The following EYS variants were observed in gnomAD, a reference collection of about 807,000 sequenced individuals.
The protein encoded by EYS is protein eyes shut homolog.
In EYS, 250 loss-of-function variants were observed where a neutral mutation model predicts 282.1. The observed-to-expected ratio is 0.89, with a 90% CI of 0.80 to 0.98. The LOEUF is 0.98. Ranked by LOEUF, EYS falls within the 50% of genes least tolerant of loss-of-function variation. The pLI, the probability that EYS is intolerant of heterozygous loss-of-function variation, is 0.00. For synonymous variants in EYS, 1,355 were observed against 1,282.9 expected (o/e 1.06, Z -1.20); for missense variants, 4,016 against 3,709.0 (o/e 1.08, Z -2.15).
At chr6:64,046,465 C>T (rs1770628806) in intron 33 of EYS, among the ~76,000 whole-genome samples, 1 of 151,978 alleles carries the variant, frequency 6.6e-6, no homozygotes, top group African/African-American at 2.4e-5. Flanking sequence ...AGGACACATG[C>T]TGGCTTGTGC....
intron 5 of EYS, chr6:65,490,341 A>C: frequency 3.3e-6 from 1 of 303,690 alleles, no homozygotes; most frequent in Non-Finnish European, 6.2e-6. Context: ...AGAAAGATGT[A>C]AGTAATTTTA....
chr6:65,641,489 G>A (rs139259360), intron 1 of EYS, among the ~76,000 whole-genome samples: 1 of 152,180 alleles, frequency 6.6e-6, no homozygotes, highest in Non-Finnish European at 1.5e-5. Flanking sequence ...GAGAGGAGGA[G>A]AGCAAATTTT....
At chr6:65,603,273 G>T (rs1270524833) in intron 2 of EYS, among the ~76,000 whole-genome samples, 1 of 151,782 alleles carries the variant, frequency 6.6e-6, no homozygotes. Context: ...ATGGGTAAGT[G>T]GATCACCAAT....
intron 22 of EYS, among the ~76,000 whole-genome samples, chr6:64,695,148 A>T (rs535541076): frequency 5.7e-4 from 87 of 152,052 alleles, no homozygotes; most frequent in Non-Finnish European, 9.3e-4. Context: ...AACCCACCCT[A>T]GAGGCAGAGC....
chr6:64,401,196 T>C (rs762329043), intron 28 of EYS, among the ~76,000 whole-genome samples: 1 of 152,076 alleles, frequency 6.6e-6, no homozygotes, highest in African/African-American at 2.4e-5. Context: ...TTCCATCGTG[T>C]TGGAAATCAA....
intron 24 of EYS, among the ~76,000 whole-genome samples, chr6:64,604,145 T>C (rs894746519): frequency 2.0e-5 from 3 of 151,964 alleles, no homozygotes; most frequent in African/African-American, 4.8e-5. Flanking sequence ...CTATAATGGC[T>C]CCTGAGAGTC....
At chr6:65,700,144 A>G (rs1769620078) in intron 1 of EYS, among the ~76,000 whole-genome samples, 1 of 145,752 alleles carries the variant, frequency 6.9e-6, no homozygotes, top group South Asian at 2.2e-4. Flanking sequence ...AAAAAACTAT[A>G]TTAAAACATC....
chr6:63,916,765 T>A (rs950680214), intron 35 of EYS, among the ~76,000 whole-genome samples: 34 of 152,354 alleles, frequency 2.2e-4, no homozygotes, highest in Admixed American at 2.0e-3. Flanking sequence ...TTATGTCCGA[T>A]TTGCTGTTGT....
At chr6:64,221,608 T>A (rs1386381444) in intron 31 of EYS, among the ~76,000 whole-genome samples, 1 of 152,112 alleles carries the variant, frequency 6.6e-6, no homozygotes, top group East Asian at 1.9e-4. Context: ...ATTTTCTGTT[T>A]TGCTTTCCTC....
intron 2 of EYS, among the ~76,000 whole-genome samples, chr6:65,541,522 A>G (rs1319193980): frequency 1.3e-5 from 2 of 152,182 alleles, no homozygotes; most frequent in African/African-American, 2.4e-5. Flanking sequence ...TTATTTTGTT[A>G]TAATCCAGAC....
chr6:65,428,594 T>C (rs1399531732), intron 5 of EYS, among the ~76,000 whole-genome samples: 1 of 152,066 alleles, frequency 6.6e-6, no homozygotes, highest in Non-Finnish European at 1.5e-5. Context: ...TTCTCCTTCT[T>C]CTCAAGCCAT....
intron 1 of EYS, among the ~76,000 whole-genome samples, chr6:65,658,636 A>G (rs1023376849): frequency 6.6e-6 from 1 of 151,720 alleles, no homozygotes; most frequent in Non-Finnish European, 1.5e-5. Flanking sequence ...TGTTTGCTTA[A>G]TGGAAACATA....
intron 22 of EYS, among the ~76,000 whole-genome samples, chr6:64,785,064 C>T (rs892952900): frequency 2.0e-5 from 3 of 152,052 alleles, no homozygotes; most frequent in African/African-American, 7.2e-5. Flanking sequence ...AGTATGAGGC[C>T]AACCTGGGCA....
chr6:65,011,857 C>A (rs1411453885), intron 13 of EYS, among the ~76,000 whole-genome samples: 2 of 152,166 alleles, frequency 1.3e-5, no homozygotes, highest in Non-Finnish European at 2.9e-5. Context: ...GCGGGAGGGA[C>A]AATGATCGGG....
At chr6:64,478,943 A>T (rs1056879328) in intron 26 of EYS, among the ~76,000 whole-genome samples, 1 of 151,874 alleles carries the variant, frequency 6.6e-6, no homozygotes, top group Non-Finnish European at 1.5e-5. Context: ...TATCCTCTTT[A>T]TATGTAAACT....
At chr6:64,682,378 AAACAAC>A (rs202090764) in intron 22 of EYS, among the ~76,000 whole-genome samples, 3 of 151,904 alleles carry the variant, frequency 2.0e-5, no homozygotes, top group African/African-American at 7.3e-5. Context: ...AAAACAACAA[AAACAAC>A]AACAACAACA....
chr6:64,768,318 A>G (rs2149983885), intron 22 of EYS, among the ~76,000 whole-genome samples: 1 of 152,304 alleles, frequency 6.6e-6, no homozygotes, highest in African/African-American at 2.4e-5. Flanking sequence ...AAATATAAAA[A>G]CCATGATGAT....
At chr6:65,005,437 C>G (rs1771612748) in intron 13 of EYS, among the ~76,000 whole-genome samples, 1 of 147,564 alleles carries the variant, frequency 6.8e-6, no homozygotes, top group Non-Finnish European at 1.5e-5. Flanking sequence ...TTGCCACCAT[C>G]TTGGAAGCGG....
chr6:64,754,317 C>T (rs968303268), intron 22 of EYS, among the ~76,000 whole-genome samples: 3 of 151,886 alleles, frequency 2.0e-5, no homozygotes, highest in Non-Finnish European at 2.9e-5. Context: ...CTTAAACAGA[C>T]CAATAAAAAG....
Sources: allele counts gnomAD v4.1 joint callset (sites outside exome capture counted in the v4.1 genomes callset), GRCh38; gene constraint gnomAD v4.1.1; transcripts MANE v1.5; gene names NCBI Gene and HGNC (gene_info 2026-07-23, HGNC 2026-07-21).